The following BAZ2B variants were observed in gnomAD, a reference collection of about 807,000 sequenced individuals.
BAZ2B encodes bromodomain adjacent to zinc finger domain 2B, also known as bromodomain adjacent to zinc finger domain protein 2B.
In BAZ2B, 91 loss-of-function variants were observed where a neutral mutation model predicts 246.0. The observed-to-expected ratio is 0.37, with a 90% confidence interval of 0.31 to 0.44. BAZ2B has a LOEUF of 0.44. Ranked by LOEUF, BAZ2B falls within the 20% of genes least tolerant of loss-of-function variation. The pLI is 1.00. For synonymous variants in BAZ2B, 855 were observed against 860.0 expected (o/e 0.99, Z 0.10); for missense variants, 2,332 against 2,533.7 (o/e 0.92, Z 1.71).
intron 6 of BAZ2B, chr2:159,444,612 C>G (rs1225366960): frequency 1.3e-5 from 2 of 152,136 alleles, no homozygotes; most frequent in Non-Finnish European, 2.9e-5. Context: ...GAAAGTTTGA[C>G]AAAGTAGTTC....
At chr2:159,328,898 C>T (rs1485397340) in intron 34 of BAZ2B, among the ~76,000 whole-genome samples, 2 of 152,092 alleles carry the variant, frequency 1.3e-5, no homozygotes, top group Admixed American at 6.5e-5. Context: ...GAGGCCGAGG[C>T]AGGCAGATAA....
At position 159,418,047 on chromosome 2, in the gene BAZ2B, T is replaced by G. The variant is rs80193753; in HGVS notation, c.2467-5502A>C. ...TGGATGTGAAGGAGGAAAGCCTGAATGTAGACCAGAAAGGCAGTTAAGGTT... is the reference window on the plus strand; with the variant it reads ...TGGATGTGAAGGAGGAAAGCCTGAAGGTAGACCAGAAAGGCAGTTAAGGTT... On this transcript the variant is annotated intron_variant, in intron 13 of 36. Coordinates refer to ENST00000392783, the MANE Select transcript of BAZ2B (RefSeq NM_013450.4). 7.6e-3 allele frequency among the ~76,000 whole-genome samples: 1,156 copies of G among 152,274 alleles called. 46 individuals are homozygous for G. In the East Asian group the frequency reaches 0.091, roughly 12 times the overall value.
chr2:159,672,656 C>T, the BAZ2B span, among the ~76,000 whole-genome samples: 3 of 151,986 alleles, frequency 2.0e-5, no homozygotes, highest in Non-Finnish European at 4.4e-5. Context: ...ACTCCTCCCC[C>T]TGAATAGACA....
rs76177576 is a variant in BAZ2B at position 159,446,911 on chromosome 2, T to G, written c.567A>C (p.Leu189=). The part of the protein sequence containing the change: ...SSVIGINTSV[L]STTASSSMGQ... ...CCATGGAACTTGAAGCAGTAGTGGA[T>G]AGTACAGATGTGTTGATACCAATTA... Residue 189 remains leucine, a synonymous_variant, in exon 6 of 37, where the codon CTA becomes CTC. Transcript: ENST00000392783. The G allele has an allele frequency of 2.4e-5, 39 of 1,613,560 alleles. No homozygotes were observed. In the East Asian group the frequency reaches 8.5e-4, roughly 35 times the overall value.
intron 2 of BAZ2B, among the ~76,000 whole-genome samples, chr2:159,523,705 A>C (rs2084401143): frequency 6.6e-6 from 1 of 152,224 alleles, no homozygotes; most frequent in African/African-American, 2.4e-5. Context: ...CTCAAAAAAA[A>C]GAAAAAGAAA....
chr2:159,570,743 T>C (rs531995581), intron 1 of BAZ2B, among the ~76,000 whole-genome samples: 1 of 152,364 alleles, frequency 6.6e-6, no homozygotes, highest in Non-Finnish European at 1.5e-5. Flanking sequence ...CCAACTCTAG[T>C]TGTGCTTCAT....
At chr2:159,491,006 T>C (rs1398035692) in intron 2 of BAZ2B, among the ~76,000 whole-genome samples, 1 of 152,178 alleles carries the variant, frequency 6.6e-6, no homozygotes, top group Non-Finnish European at 1.5e-5. Context: ...TTTCAGAACC[T>C]ATTATAAAGA....
the BAZ2B span, among the ~76,000 whole-genome samples, chr2:159,623,206 G>C: frequency 6.6e-6 from 1 of 151,586 alleles, no homozygotes. Flanking sequence ...AAGAGCAAGA[G>C]CATGCACGAG....
At chr2:159,539,328 C>A (rs934678715) in intron 2 of BAZ2B, among the ~76,000 whole-genome samples, 1 of 152,164 alleles carries the variant, frequency 6.6e-6, no homozygotes, top group Non-Finnish European at 1.5e-5. Flanking sequence ...TAAATCATAA[C>A]CATGAATTTC....
intron 27 of BAZ2B, among the ~76,000 whole-genome samples, chr2:159,370,101 A>T (rs916350568): frequency 6.6e-6 from 1 of 152,100 alleles, no homozygotes; most frequent in Non-Finnish European, 1.5e-5. Flanking sequence ...GTTCTCTCTC[A>T]TAGGTGGGAA....
intron 34 of BAZ2B, among the ~76,000 whole-genome samples, 168 bp downstream of exon 34, chr2:159,332,372 A>G (rs1425964164): frequency 6.6e-6 from 1 of 151,932 alleles, no homozygotes; most frequent in Non-Finnish European, 1.5e-5. Flanking sequence ...CTGTAGTCTC[A>G]GCTACTCAAG....
the BAZ2B span, among the ~76,000 whole-genome samples, chr2:159,699,653 C>T: frequency 5.9e-5 from 9 of 152,188 alleles, no homozygotes; most frequent in African/African-American, 2.2e-4. Flanking sequence ...TGCCTCAGCA[C>T]TTTGATTAAT....
At chr2:159,683,405 T>A in the BAZ2B span, among the ~76,000 whole-genome samples, 1 of 152,118 alleles carries the variant, frequency 6.6e-6, no homozygotes, top group Non-Finnish European at 1.5e-5. Context: ...TTGGCTAAAA[T>A]CACACTTTTT....
rs113893907 is a variant in BAZ2B, at chr2:159,585,145, G to C, written c.-45-29280C>G. 4.5e-3 allele frequency among the ~76,000 whole-genome samples: 685 copies of C among 152,344 alleles called. 3 individuals carry two copies. The highest frequency in any genetic ancestry group is 0.015 in the African/African-American group (626 of 41,576). On this transcript the variant is annotated intron_variant, in intron 1 of 36. Coordinates refer to ENST00000392783, the MANE Select transcript of BAZ2B (RefSeq NM_013450.4). ...TTGGTATGTGCAGTAAGAATGAGTTGTCACTAAGATGGGGAAGACTGTTAC... is the reference window on the plus strand; with the variant it reads ...TTGGTATGTGCAGTAAGAATGAGTTCTCACTAAGATGGGGAAGACTGTTAC...
chr2:159,592,961 C>T (rs777900079), intron 1 of BAZ2B, among the ~76,000 whole-genome samples: 1 of 152,206 alleles, frequency 6.6e-6, no homozygotes, highest in Non-Finnish European at 1.5e-5. Context: ...CACCCCAACA[C>T]TGAGTTCCTT....
chr2:159,699,102 G>A, the BAZ2B span, among the ~76,000 whole-genome samples: 1 of 152,176 alleles, frequency 6.6e-6, no homozygotes, highest in Admixed American at 6.5e-5. Flanking sequence ...AAGGAATATA[G>A]GGTGGTAGCA....
chr2:159,703,122 T>G, the BAZ2B span, among the ~76,000 whole-genome samples: 2 of 151,426 alleles, frequency 1.3e-5, no homozygotes, highest in Non-Finnish European at 2.9e-5. Flanking sequence ...AGTCTTGCTC[T>G]GTTGCTCAGG....
chr2:159,610,866 T>A (rs990031258), intron 1 of BAZ2B, among the ~76,000 whole-genome samples: 5 of 152,124 alleles, frequency 3.3e-5, no homozygotes, highest in African/African-American at 1.2e-4. Flanking sequence ...CTATTAAGGT[T>A]AAAAACTCAA....
downstream of BAZ2B, among the ~76,000 whole-genome samples, chr2:159,317,407 C>A (rs547830277): frequency 6.6e-6 from 1 of 152,178 alleles, no homozygotes; most frequent in Non-Finnish European, 1.5e-5. Flanking sequence ...GATCACCTTG[C>A]ATTTATGGTT....
Sources: gnomAD v4.1 joint callset for allele counts (sites outside exome capture counted in the v4.1 genomes callset) on GRCh38, gnomAD v4.1.1 for gene constraint, MANE v1.5 for transcripts, NCBI Gene and HGNC (gene_info 2026-07-23, HGNC 2026-07-21) for gene names.